Variants in TLE2 observed in about 807,000 individuals in gnomAD.
The protein encoded by TLE2 is transducin-like enhancer protein 2.
Under a neutral mutation model 97.2 loss-of-function variants are expected in TLE2, and 74 were observed. The ratio of observed to expected loss-of-function variants is 0.76; its 90% CI spans 0.63 to 0.92. The LOEUF is 0.92. TLE2 is among the 40% of genes least tolerant of loss of function. TLE2 has a pLI of 0.00. For missense variants in TLE2, 1,038 were observed against 1,008.7 expected (o/e 1.03, Z -0.39); for synonymous variants, 499 against 432.1 (o/e 1.15, Z -1.92).
chr19:2,997,868 CG>C lies in TLE2; in HGVS notation c.2211del (p.Val738CysfsTer9). 3 of 1,610,188 alleles carry C rather than the reference CG, an allele frequency of 1.9e-6. No individual in the cohort carries two copies. The highest frequency in any genetic ancestry group is 2.5e-6 in the Non-Finnish European group (3 of 1,178,152). ...ATGTCTCAGTAGACCACCTCATACA[CG>C]GTGGCCTTCTTGTCCCCCGAGCCTG... ...IVTGSGDKKATVYEVVY is the reference protein window; with the variant it reads ...IVTGSGDKKAXVYEVVY On this transcript the variant is annotated frameshift_variant, in exon 20 of 20. Coordinates refer to ENST00000262953, the MANE Select transcript of TLE2 (RefSeq NM_003260.5). LOFTEE classifies it high-confidence loss of function.
intron 13 of TLE2, among the ~76,000 whole-genome samples, chr19:3,009,155 G>C (rs2089538052): frequency 6.6e-6 from 1 of 152,166 alleles, no homozygotes; most frequent in African/African-American, 2.4e-5. Context: ...GGAAATCCTA[G>C]AACTCCACGG....
intron 1 of TLE2, among the ~76,000 whole-genome samples, chr19:3,041,014 T>TATATATATATTA (rs55998855): frequency 5.0e-5 from 1 of 20,168 alleles, no homozygotes; most frequent in Non-Finnish European, 8.4e-5. Flanking sequence ...TATATATATA[T>TATATATATATTA]TTTTTTTTTT....
chr19:3,040,524 A>G (rs1221675635), intron 1 of TLE2, among the ~76,000 whole-genome samples: 2 of 151,864 alleles, frequency 1.3e-5, no homozygotes, highest in Admixed American at 6.6e-5. Flanking sequence ...TATTTTTAGT[A>G]GATGGGGTTT....
chr19:3,008,830 C>G, intron 14 of TLE2, 39 bp downstream of exon 14: 4 of 1,482,870 alleles, frequency 2.7e-6, no homozygotes, highest in Non-Finnish European at 3.6e-6. Context: ...GGGGGGCTGG[C>G]CCGGGACCCC....
chr19:3,017,880 T>C, intron 7 of TLE2, 21 bp from the exon 8 acceptor site: 1 of 1,611,448 alleles, frequency 6.2e-7, no homozygotes, highest in Non-Finnish European at 8.5e-7. Context: ...GGGAATGGGA[T>C]AAAGAGAAAG....
rs1026532274 is a variant in TLE2 at position 3,019,117 on chromosome 19, T to G, written c.550+166A>C. 2.0e-5 allele frequency among the ~76,000 whole-genome samples: 3 copies of G among 151,388 alleles called. No homozygotes were observed. The highest frequency in any genetic ancestry group is 6.6e-5 in the Admixed American group (1 of 15,220). On this transcript the variant is annotated intron_variant, in intron 7 of 19. Transcript: ENST00000262953. This position sits in a 1 kb window ranked among gnomAD's most constrained non-coding sequence, Gnocchi z 5.1. ...CTCGCTCTGTTGCCCAGGCTGGTCA[T>G]GAACTCCTGGGCTCAAGCGATCCTC...
chr19:3,017,776 C>A, intron 8 of TLE2, 64 bp downstream of exon 8: 1 of 1,515,064 alleles, frequency 6.6e-7, no homozygotes, highest in Middle Eastern at 1.7e-4. Context: ...AGGCCCCCAT[C>A]AGCTCAGAAC....
At chr19:3,024,960 C>G in intron 5 of TLE2, 60 bp downstream of exon 5, 1 of 1,458,120 alleles carries the variant, frequency 6.9e-7, no homozygotes, top group Non-Finnish European at 9.4e-7. Flanking sequence ...CCCAGACCTA[C>G]CCCCTCCCGT....
At position 2,997,828 on chromosome 19, in the gene TLE2, AC is replaced by A; in HGVS notation, c.*19del. On this transcript the variant is annotated 3_prime_UTR_variant, in exon 20 of 20. Transcript: ENST00000262953. ...TCCCCTGGGAGTCTGGACTTCGGGTACAGGAAGGGGGGTCATGTCTCAGTAG... is the reference window on the plus strand; with the variant it reads ...TCCCCTGGGAGTCTGGACTTCGGGTAAGGAAGGGGGGTCATGTCTCAGTAG... The A allele has an allele frequency of 6.4e-7, 1 of 1,561,268 alleles. No individual in the cohort carries two copies. The highest frequency in any genetic ancestry group is 1.1e-5 in the South Asian group (1 of 86,968).
At chr19:3,032,788 G>A (rs2090035214), upstream of TLE2, among the ~76,000 whole-genome samples, 1 of 152,070 alleles carries the variant, frequency 6.6e-6, no homozygotes, top group African/African-American at 2.4e-5. This position sits in a 1 kb window ranked among gnomAD's most constrained non-coding sequence, Gnocchi z 4.1. Context: ...GGTTCTTGGG[G>A]GTCTGTGAAG....
At chr19:3,007,172 C>T (rs2089497395) in intron 14 of TLE2, among the ~76,000 whole-genome samples, 1 of 152,026 alleles carries the variant, frequency 6.6e-6, no homozygotes, top group South Asian at 2.1e-4. Context: ...ACTGCAAACT[C>T]TGCTTCCGGG....
At chr19:3,030,091 C>T (rs1159620857), upstream of TLE2, among the ~76,000 whole-genome samples, 1 of 152,204 alleles carries the variant, frequency 6.6e-6, no homozygotes, top group Admixed American at 6.5e-5. Flanking sequence ...GCGGGAGCCA[C>T]CGCACTGGGC....
chr19:3,000,123 G>A (rs960907394), intron 19 of TLE2, among the ~76,000 whole-genome samples: 1 of 151,124 alleles, frequency 6.6e-6, no homozygotes, highest in African/African-American at 2.4e-5. Flanking sequence ...CCAGGCTGGA[G>A]TGCAGTGGTG....
intron 1 of TLE2, among the ~76,000 whole-genome samples, chr19:3,036,522 G>T (rs1418136249): frequency 6.6e-6 from 1 of 152,224 alleles, no homozygotes; most frequent in Non-Finnish European, 1.5e-5. Flanking sequence ...CAGCCGAACT[G>T]CCGGGCCACC....
At chr19:3,016,900 T>A (rs71339158) in intron 8 of TLE2, among the ~76,000 whole-genome samples, 8,413 of 151,106 alleles carry the variant, frequency 0.056, 307 homozygotes, top group South Asian at 0.092. Context: ...TGCCTCAGCC[T>A]CCAGAGTAGC....
At chr19:3,039,253 G>A (rs1336880504) in intron 1 of TLE2, among the ~76,000 whole-genome samples, 2 of 145,470 alleles carry the variant, frequency 1.4e-5, no homozygotes, top group Admixed American at 1.4e-4. Flanking sequence ...AAGTGAATCA[G>A]AGTCCATCCC....
In TLE2 at chr19:3,028,806, G is replaced by C. The variant is rs202223987; in HGVS notation, c.25-3C>G. ...GGCTGGCCGGACTGGAGCGGGGTCT[G>C]GGGGGGGTGTGGGGGAAACGTCAGG... is the stretch of plus-strand genomic sequence containing the variant. On this transcript the variant is annotated splice_region_variant and splice_polypyrimidine_tract_variant and intron_variant, in intron 1 of 19. Coordinates refer to ENST00000262953, the MANE Select transcript of TLE2 (RefSeq NM_003260.5). 1.2e-5 allele frequency: 19 copies of C among 1,586,058 alleles called. No individual in the cohort carries two copies. Among genetic ancestry groups the C allele is most frequent in the East Asian group, 2.3e-5 (1 of 44,350 alleles).
chr19:3,008,929 T>A lies in TLE2; in HGVS notation c.1190A>T (p.His397Leu). 6.3e-7 allele frequency: 1 copy of A among 1,592,424 alleles called. No homozygotes were observed. The highest frequency in any genetic ancestry group is 8.5e-7 in the Non-Finnish European group (1 of 1,169,656). ...GRSPVMAFES[H>L]PHLRGSSVSS... ...GACGGATGACCCTCGGAGATGGGGA[T>A]GAGACTCAAATGCCATCTGTGAGAA... is the stretch of plus-strand genomic sequence containing the variant. Residue 397 changes from histidine to leucine, a missense_variant, in exon 14 of 20, where the codon CAT (histidine) becomes CTT (leucine). Coordinates refer to ENST00000262953, the MANE Select transcript of TLE2 (RefSeq NM_003260.5).
At chr19:3,034,218 C>G (rs1229182321), upstream of TLE2, among the ~76,000 whole-genome samples, 1 of 152,014 alleles carries the variant, frequency 6.6e-6, no homozygotes, top group Non-Finnish European at 1.5e-5. Flanking sequence ...TCTCCCCACC[C>G]CAGCAGCCCC....
Sources: allele counts gnomAD v4.1 joint callset (sites outside exome capture counted in the v4.1 genomes callset), GRCh38; gene constraint gnomAD v4.1.1; non-coding constraint Gnocchi (gnomAD v3.1); transcripts MANE v1.5; gene names NCBI Gene and HGNC (gene_info 2026-07-23, HGNC 2026-07-21).